Variants in RCBTB2 observed in about 807,000 individuals in gnomAD.
RCBTB2 encodes the protein RCC1 and BTB domain-containing protein 2.
RCBTB2 carries 55 observed loss-of-function variants against 65.4 expected under a neutral mutation model. That is an observed-to-expected ratio of 0.84 (90% confidence interval 0.68 to 1.05). The LOEUF (loss-of-function observed/expected upper bound fraction) is 1.05. Among genes scored for constraint, RCBTB2 ranks in the 50% least tolerant of loss-of-function variants. The pLI is 0.00. For missense variants in RCBTB2, 599 were observed against 680.1 expected (o/e 0.88, Z 1.33); for synonymous variants, 220 against 255.2 (o/e 0.86, Z 1.31).
chr13:48,490,098 C>T lies in RCBTB2; in HGVS notation c.*13G>A, dbSNP rs1349247285. 6.2e-7 allele frequency: 1 copy of T among 1,613,618 alleles called. No individual in the cohort carries two copies. The highest frequency in any genetic ancestry group is 8.5e-7 in the Non-Finnish European group (1 of 1,179,806). On this transcript the variant is annotated 3_prime_UTR_variant, in exon 15 of 15. Coordinates refer to ENST00000344532, the MANE Select transcript of RCBTB2 (RefSeq NM_001268.4). The stretch of plus-strand genomic sequence containing the variant: ...GGAAATGGAAAGGCTCAAAAACTTT[C>T]CTGCAGATGGGATCAATTTTTAAAG...
At chr13:48,517,139 T>C (rs748982174) in intron 4 of RCBTB2, among the ~76,000 whole-genome samples, 2 of 152,154 alleles carry the variant, frequency 1.3e-5, no homozygotes, top group Non-Finnish European at 2.9e-5. Context: ...GTCCACACTA[T>C]TAACTTAGTA....
Position 48,512,052 on chromosome 13 carries a change from C to T in RCBTB2, c.639G>A (p.Gly213=). ...QNKVVVTIAC[G]QMCCMAVVDT... is the part of the protein sequence containing the mutation. ...CTACTACTGCCATGCAGCACATCTGCCCACATGCTATGGTCACAACTACTT... is the reference window on the plus strand; with the variant it reads ...CTACTACTGCCATGCAGCACATCTGTCCACATGCTATGGTCACAACTACTT... Residue 213 remains glycine (G), a synonymous_variant, in exon 8 of 15, where the codon GGG becomes GGA. Coordinates refer to ENST00000344532, the MANE Select transcript of RCBTB2 (RefSeq NM_001268.4). 1 of 1,614,210 alleles carries T rather than the reference C, an allele frequency of 6.2e-7. No homozygotes were observed. Among genetic ancestry groups the T allele is most frequent in the Non-Finnish European group, 8.5e-7 (1 of 1,180,028 alleles).
intron 14 of RCBTB2, among the ~76,000 whole-genome samples, chr13:48,492,746 C>G (rs1011995704): frequency 6.6e-6 from 1 of 152,198 alleles, no homozygotes; most frequent in African/African-American, 2.4e-5. Flanking sequence ...ACTGCTCACT[C>G]CTCTTCAGTC....
At chr13:48,514,163 C>T (rs1362975755) in intron 6 of RCBTB2, among the ~76,000 whole-genome samples, 1 of 152,168 alleles carries the variant, frequency 6.6e-6, no homozygotes, top group Non-Finnish European at 1.5e-5. Context: ...TACTCTTGCA[C>T]TTTGGGGCCA....
intron 1 of RCBTB2, among the ~76,000 whole-genome samples, chr13:48,526,321 C>T (rs1951730774): frequency 6.6e-6 from 1 of 152,026 alleles, no homozygotes; most frequent in African/African-American, 2.4e-5. Context: ...TCGCTTGAGG[C>T]CCCCAAAAGT....
At chr13:48,527,697 G>A (rs559066081) in intron 1 of RCBTB2, among the ~76,000 whole-genome samples, 12 of 152,116 alleles carry the variant, frequency 7.9e-5, no homozygotes, top group African/African-American at 2.9e-4. Context: ...TATTTCAGCT[G>A]TTTTCCTAAT....
rs201190377 is a variant in RCBTB2 at position 48,527,361 on chromosome 13, T to A, written c.-218-2604A>T. On this transcript the variant is annotated intron_variant, in intron 1 of 14. Transcript: ENST00000344532. ...TGATATATATATATATGATATATAT[T>A]TATATATGATATATATATATGATAT... Among the ~76,000 whole-genome samples the A allele has an allele frequency of 1.8e-3, 202 of 112,292 alleles. 8 individuals carry two copies. The highest frequency in any genetic ancestry group is 0.01 in the African/African-American group (181 of 17,990). The allele number at this position is 112,292 out of a possible 152,430, so 73.7% of individuals were successfully genotyped here. A position where few individuals can be genotyped will look rare whatever the true frequency, so the allele number is the denominator to read the frequency against.
chr13:48,516,121 C>T (rs900585489), intron 4 of RCBTB2, among the ~76,000 whole-genome samples: 3 of 151,702 alleles, frequency 2.0e-5, no homozygotes, highest in African/African-American at 7.3e-5. Flanking sequence ...AGAGAGAGAG[C>T]TGCCATGTCA....
chr13:48,494,799 AAT>A (rs975236390), intron 14 of RCBTB2, among the ~76,000 whole-genome samples: 2 of 152,142 alleles, frequency 1.3e-5, no homozygotes, highest in African/African-American at 4.8e-5. Flanking sequence ...GTAAGTGCCC[AAT>A]ATGTTATTGC....
At chr13:48,509,096 C>G (rs909213538) in intron 10 of RCBTB2, among the ~76,000 whole-genome samples, 6 of 152,072 alleles carry the variant, frequency 3.9e-5, no homozygotes, top group Non-Finnish European at 8.8e-5. Flanking sequence ...TTTGGGAGAC[C>G]GAGATAAGAG....
chr13:48,529,354 G>A (rs1566341968), intron 1 of RCBTB2, among the ~76,000 whole-genome samples: 1 of 152,100 alleles, frequency 6.6e-6, no homozygotes, highest in Non-Finnish European at 1.5e-5. Flanking sequence ...TCTTGGCCTT[G>A]GCTCATTTCC....
At chr13:48,534,530 A>C (rs1399774218), upstream of RCBTB2, among the ~76,000 whole-genome samples, 1 of 152,230 alleles carries the variant, frequency 6.6e-6, no homozygotes, top group Non-Finnish European at 1.5e-5. Context: ...GCTGAAGTTC[A>C]TGCAGGCCTT....
In RCBTB2 at chr13:48,490,140, C is replaced by T; in HGVS notation, c.1627G>A (p.Ala543Thr). ...HDLLKNFISK[A>T]SRVGAFKN ...TTTTTAAAGGCTCCAACTCTGCTTG[C>T]TTTGCTGATAAAGTTCTTCAGGAGA... The change falls in exon 15 of 15, where the codon GCA becomes ACA. Residue 543 changes from alanine to threonine, a missense_variant. Ala to Thr is a moderately conservative substitution (Grantham distance 58). Transcript: ENST00000344532. The T allele has an allele frequency of 6.2e-7, 1 of 1,614,124 alleles. No homozygotes were observed. Among genetic ancestry groups the T allele is most frequent in the Non-Finnish European group, 8.5e-7 (1 of 1,179,976 alleles).
In RCBTB2 at chr13:48,521,935, T is replaced by A. The variant is rs760776228; in HGVS notation, c.5A>T (p.Glu2Val). The A allele has an allele frequency of 6.2e-7, 1 of 1,613,870 alleles. No homozygotes were observed. The highest frequency in any genetic ancestry group is 1.1e-5 in the South Asian group (1 of 91,080). M[E>V]EELPLFSGDS... ...TCCAGAGAAAAGAGGAAGTTCTTCT[T>A]CCATATGGACTCAGTCCTGGGCAGT... is the stretch of plus-strand genomic sequence containing the variant. Residue 2 changes from glutamate to valine, a missense_variant, in exon 4 of 15, where the codon GAA (glutamate) becomes GTA (valine). Coordinates refer to ENST00000344532, the MANE Select transcript of RCBTB2 (RefSeq NM_001268.4).
intron 9 of RCBTB2, among the ~76,000 whole-genome samples, chr13:48,511,467 G>A (rs921251001): frequency 2.0e-5 from 3 of 151,904 alleles, no homozygotes; most frequent in Non-Finnish European, 4.4e-5. Flanking sequence ...AGGAATTGTT[G>A]GTTCCTCAGG....
chr13:48,510,639 CCA>C lies in RCBTB2; in HGVS notation c.914_915del (p.Val305GlyfsTer49). 1 of 1,614,094 alleles carries C rather than the reference CCA, an allele frequency of 6.2e-7. No individual in the cohort carries two copies. The highest frequency in any genetic ancestry group is 8.5e-7 in the Non-Finnish European group (1 of 1,179,974). The stretch of plus-strand genomic sequence containing the variant: ...AAATGCCCGTGTTACCTGTCCTTTT[CCA>C]CAGTGACAGGAGTAGGATAGGACTG... ...SNQSYPTPVT[V>X]EKDRIIEIAA... is the part of the protein sequence containing the mutation. On this transcript the variant is annotated frameshift_variant, in exon 10 of 15. Coordinates refer to ENST00000344532, the MANE Select transcript of RCBTB2 (RefSeq NM_001268.4). LOFTEE classifies it high-confidence loss of function.
chr13:48,515,372 T>C lies in RCBTB2; in HGVS notation c.199-17A>G, dbSNP rs537958404. 5 of 1,610,626 alleles carry C rather than the reference T, an allele frequency of 3.1e-6. No homozygotes were observed. The African/African-American group carries it at 4.0e-5, about 13-fold the overall frequency. On this transcript the variant is annotated splice_polypyrimidine_tract_variant and intron_variant, in intron 5 of 14. Coordinates refer to ENST00000344532, the MANE Select transcript of RCBTB2 (RefSeq NM_001268.4). ...CACAAAAATCTATGGGAAAAACCACTGTTAGTTCAAGCAGTTCTATTTCTA... is the reference window on the plus strand; with the variant it reads ...CACAAAAATCTATGGGAAAAACCACCGTTAGTTCAAGCAGTTCTATTTCTA...
At chr13:48,530,658 G>A (rs192471261) in intron 1 of RCBTB2, among the ~76,000 whole-genome samples, 103 of 152,306 alleles carry the variant, frequency 6.8e-4, no homozygotes, top group Non-Finnish European at 1.2e-3. Flanking sequence ...CAGTCAGAGG[G>A]ACATTTAGAA....
chr13:48,501,726 A>G lies in RCBTB2; in HGVS notation c.1244+16T>C, dbSNP rs1311226058. 6.2e-7 allele frequency: 1 copy of G among 1,602,508 alleles called. No individual in the cohort carries two copies. On this transcript the variant is annotated intron_variant, in intron 12 of 14. Coordinates refer to ENST00000344532, the MANE Select transcript of RCBTB2 (RefSeq NM_001268.4). The stretch of plus-strand genomic sequence containing the variant: ...ACGAATTACTTTTCTCAATTCTCAA[A>G]TAAATGATTCCTTACCGAATCTTGA...
Sources: gnomAD v4.1 joint callset for allele counts (sites outside exome capture counted in the v4.1 genomes callset) on GRCh38, gnomAD v4.1.1 for gene constraint, MANE v1.5 for transcripts, NCBI Gene and HGNC (gene_info 2026-07-23, HGNC 2026-07-21) for gene names.